NAV3: variants seen among roughly 807,000 people sequenced by gnomAD.
NAV3 encodes the protein pore membrane and/or filament interacting like protein 1.
In NAV3, 87 loss-of-function variants were observed where a neutral mutation model predicts 244.7. That is an observed-to-expected ratio of 0.36 (90% confidence interval 0.30 to 0.42). The LOEUF (loss-of-function observed/expected upper bound fraction) is 0.42. Among genes scored for constraint, NAV3 ranks in the 20% least tolerant of loss-of-function variants. The pLI is 1.00. For missense variants in NAV3, 2,663 were observed against 2,893.3 expected, an observed-to-expected ratio of 0.92 and a Z score of 1.83; for synonymous variants, 1,126 against 1,042.2, an observed-to-expected ratio of 1.08 and a Z score of -1.55.
chr12:77,909,178 T>C (rs1454223493), intron 1 of NAV3, among the ~76,000 whole-genome samples: 1 of 152,094 alleles, frequency 6.6e-6, no homozygotes, highest in Non-Finnish European at 1.5e-5. Flanking sequence ...CATTATTGGG[T>C]ATAGGATTTT....
chr12:77,871,507 A>G (rs1880952897), intron 1 of NAV3, among the ~76,000 whole-genome samples: 1 of 152,084 alleles, frequency 6.6e-6, no homozygotes, highest in African/African-American at 2.4e-5. Flanking sequence ...CTCATTGTTC[A>G]ACTCTCACTT....
chr12:78,057,174 TAA>T (rs1209581191), intron 11 of NAV3, among the ~76,000 whole-genome samples: 1 of 152,304 alleles, frequency 6.6e-6, no homozygotes, highest in Middle Eastern at 3.4e-3. Flanking sequence ...AAAATTGGGA[TAA>T]AAGTTACATA....
chr12:77,830,817 T>C (rs1275510516), upstream of NAV3: 1 of 152,188 alleles, frequency 6.6e-6, no homozygotes, highest in African/African-American at 2.4e-5. Context: ...GCCATTAACA[T>C]GTCCATTCTT....
chr12:77,660,547 C>G (rs2137034821), intron 2 of NAV3, among the ~76,000 whole-genome samples: 1 of 152,078 alleles, frequency 6.6e-6, no homozygotes, highest in Admixed American at 6.6e-5. Context: ...AGTTTATAAA[C>G]CACAAAATTC....
At chr12:77,648,049 G>A (rs116620321) in intron 2 of NAV3, among the ~76,000 whole-genome samples, 56 of 152,154 alleles carry the variant, frequency 3.7e-4, no homozygotes, top group African/African-American at 1.3e-3. Flanking sequence ...CCTGATGTTG[G>A]ACTCCCTATC....
chr12:77,999,839 T>C (rs929449739), intron 7 of NAV3, among the ~76,000 whole-genome samples: 9 of 151,938 alleles, frequency 5.9e-5, no homozygotes, highest in Admixed American at 1.3e-4. Context: ...AAAAATATTA[T>C]ACAAGTTCAG....
intron 5 of NAV3, among the ~76,000 whole-genome samples, chr12:77,991,851 C>T (rs1011372246): frequency 4.6e-5 from 7 of 151,980 alleles, no homozygotes; most frequent in Admixed American, 1.3e-4. Context: ...GCCAACATGG[C>T]GAAACACTGC....
chr12:77,588,831 CA>C (rs1869766223), intron 2 of NAV3, among the ~76,000 whole-genome samples: 1 of 152,128 alleles, frequency 6.6e-6, no homozygotes, highest in Non-Finnish European at 1.5e-5. Flanking sequence ...TTGAGAGGAA[CA>C]AAATTCTACA....
chr12:78,121,795 T>C, intron 15 of NAV3, 145 bp from the exon 16 acceptor site: 1 of 1,057,896 alleles, frequency 9.5e-7, no homozygotes, highest in Non-Finnish European at 1.3e-6. Context: ...TCCAAGCTTA[T>C]AAAAGTTCAT....
At chr12:77,620,467 A>ATT (rs531358629) in intron 2 of NAV3, among the ~76,000 whole-genome samples, 7 of 145,678 alleles carry the variant, frequency 4.8e-5, no homozygotes, top group Non-Finnish European at 7.6e-5. Flanking sequence ...TGATTTGAAC[A>ATT]TTTTTTTTTT....
intron 2 of NAV3, among the ~76,000 whole-genome samples, chr12:77,797,618 G>A (rs1442381670): frequency 2.0e-5 from 3 of 146,776 alleles, no homozygotes; most frequent in Admixed American, 6.9e-5. Context: ...CGAGGTGGGC[G>A]GATCACAAGG....
intron 6 of NAV3, among the ~76,000 whole-genome samples, chr12:77,997,154 C>T (rs1375328260): frequency 1.3e-5 from 2 of 148,984 alleles, no homozygotes; most frequent in Non-Finnish European, 3.0e-5. Flanking sequence ...AGGAGAATCG[C>T]TTGAACCCTG....
At chr12:78,205,972 A>G (rs1960259784) in intron 39 of NAV3, among the ~76,000 whole-genome samples, 1 of 152,118 alleles carries the variant, frequency 6.6e-6, no homozygotes, top group African/African-American at 2.4e-5. Context: ...AGGATATAAA[A>G]TTACTTGATA....
At chr12:77,934,800 T>A (rs1033578850) in intron 1 of NAV3, among the ~76,000 whole-genome samples, 4 of 152,196 alleles carry the variant, frequency 2.6e-5, no homozygotes, top group Non-Finnish European at 5.9e-5. Flanking sequence ...AGAAATGTAA[T>A]GCTACTGCTT....
chr12:77,708,937 T>C (rs1875968136), intron 2 of NAV3, among the ~76,000 whole-genome samples: 1 of 152,208 alleles, frequency 6.6e-6, no homozygotes, highest in Admixed American at 6.5e-5. Context: ...CTGAAGTTGC[T>C]TATCAGCTTA....
chr12:77,699,558 G>A (rs1044577062), intron 2 of NAV3, among the ~76,000 whole-genome samples: 25 of 152,068 alleles, frequency 1.6e-4, no homozygotes, highest in Admixed American at 1.6e-3. Context: ...TTGAATGGCT[G>A]GGGGAAGGAA....
At chr12:77,955,454 T>C (rs1287920397) in intron 3 of NAV3, among the ~76,000 whole-genome samples, 1 of 152,216 alleles carries the variant, frequency 6.6e-6, no homozygotes, top group Non-Finnish European at 1.5e-5. Flanking sequence ...TGATCAACAC[T>C]TTTATAATAA....
At chr12:77,985,289 T>C (rs887999389) in intron 5 of NAV3, among the ~76,000 whole-genome samples, 1 of 152,222 alleles carries the variant, frequency 6.6e-6, no homozygotes, top group Non-Finnish European at 1.5e-5. Context: ...ATTAATTAAT[T>C]GGACAATTGC....
At chr12:78,145,307 C>A (rs1956820102) in intron 20 of NAV3, among the ~76,000 whole-genome samples, 1 of 152,126 alleles carries the variant, frequency 6.6e-6, no homozygotes, top group Non-Finnish European at 1.5e-5. Context: ...ATAGGGAAGA[C>A]AAAGCTCAGG....
Sources: allele counts gnomAD v4.1 joint callset (sites outside exome capture counted in the v4.1 genomes callset), GRCh38; gene constraint gnomAD v4.1.1; transcripts MANE v1.5; gene names NCBI Gene and HGNC (gene_info 2026-07-23, HGNC 2026-07-21).